PAQR8: variants seen among roughly 807,000 people sequenced by gnomAD.
The protein encoded by PAQR8 is membrane progestin receptor beta.
In PAQR8, 17 loss-of-function variants were observed where a neutral mutation model predicts 25.2. The ratio of observed to expected loss-of-function variants is 0.67; its 90% CI spans 0.46 to 1.01. The LOEUF (loss-of-function observed/expected upper bound fraction) is 1.01, where lower values mean the gene tolerates loss of function less well. PAQR8 is among the 50% of genes least tolerant of loss of function. PAQR8 has a pLI of 0.00. For missense variants in PAQR8, 392 were observed against 448.4 expected (o/e 0.87, Z 1.14); for synonymous variants, 204 against 190.6 (o/e 1.07, Z -0.58).
rs1414169401 is a variant in PAQR8 at position 52,404,651 on chromosome 6, G to A, written c.*373G>A. 3 of 204,962 alleles carry A rather than the reference G, an allele frequency of 1.5e-5. No individual in the cohort carries two copies. The East Asian group carries it at 3.8e-4, about 26-fold the overall frequency. 12.7% of individuals were successfully genotyped at this position (204,962 alleles called of 1,614,324 possible). A position where few individuals can be genotyped will look rare whatever the true frequency, so the allele number is the denominator to read the frequency against. ...TAAAATTGGACTGGAAAGTAAGTAGGTGGCTGGTCCTCACCCTGTTGGAAT... is the reference window on the plus strand; with the variant it reads ...TAAAATTGGACTGGAAAGTAAGTAGATGGCTGGTCCTCACCCTGTTGGAAT... On this transcript the variant is annotated 3_prime_UTR_variant, in exon 2 of 2. Coordinates refer to ENST00000442253, the MANE Select transcript of PAQR8 (RefSeq NM_133367.5).
rs1763632798 is a variant in PAQR8 at position 52,386,321 on chromosome 6, T to TA, written c.-52-16841_-52-16840insA. On this transcript the variant is annotated intron_variant, in intron 1 of 1. Transcript: ENST00000442253. ...TCAGAGAACCAAACACAACTACCAT[T>TA]TGACCTAGCAACCACATTACTGGGT... 2.6e-5 allele frequency among the ~76,000 whole-genome samples: 4 copies of TA among 152,182 alleles called. 1 individual carries two copies. The South Asian group carries it at 8.3e-4, about 32-fold the overall frequency.
At chr6:52,376,736 T>C (rs557023942) in intron 1 of PAQR8, among the ~76,000 whole-genome samples, 9 of 152,230 alleles carry the variant, frequency 5.9e-5, no homozygotes, top group Non-Finnish European at 1.3e-4. Context: ...GGCTTACTGT[T>C]GTTCTTTATT....
intron 1 of PAQR8, among the ~76,000 whole-genome samples, chr6:52,395,375 T>C (rs1248212762): frequency 6.6e-6 from 1 of 151,988 alleles, no homozygotes; most frequent in African/African-American, 2.4e-5. Context: ...TCATGGTACA[T>C]ATACTCAGTA....
At chr6:52,392,114 G>A (rs1425383727) in intron 1 of PAQR8, among the ~76,000 whole-genome samples, 1 of 152,108 alleles carries the variant, frequency 6.6e-6, no homozygotes, top group Non-Finnish European at 1.5e-5. Flanking sequence ...GGCCTAGGCG[G>A]GCAGATTGCC....
At chr6:52,366,041 C>A (rs1763348056) in intron 1 of PAQR8, among the ~76,000 whole-genome samples, 1 of 152,152 alleles carries the variant, frequency 6.6e-6, no homozygotes, top group South Asian at 2.1e-4. Context: ...ACATTCCCTT[C>A]ATTCCAAATG....
intron 1 of PAQR8, among the ~76,000 whole-genome samples, chr6:52,393,051 A>G (rs1295315612): frequency 6.6e-6 from 1 of 152,196 alleles, no homozygotes; most frequent in African/African-American, 2.4e-5. Context: ...GGGTTTAGTC[A>G]TAGAGGGCAT....
chr6:52,404,404 C>A lies in PAQR8; in HGVS notation c.*126C>A. ...ACATATATCCAAGGATATGTTATAG[C>A]TGCAGTGTTTGAAAGCCAAAGGATT... On this transcript the variant is annotated 3_prime_UTR_variant, in exon 2 of 2. Transcript: ENST00000442253. 1.1e-6 allele frequency: 1 copy of A among 944,192 alleles called. No homozygotes were observed. Among genetic ancestry groups the A allele is most frequent in the Non-Finnish European group, 1.6e-6 (1 of 640,234 alleles). The allele number at this position is 944,192 out of a possible 1,614,324, so 58.5% of individuals were successfully genotyped here.
chr6:52,382,225 G>A (rs1763569697), intron 1 of PAQR8, among the ~76,000 whole-genome samples: 1 of 152,218 alleles, frequency 6.6e-6, no homozygotes, highest in African/African-American at 2.4e-5. Context: ...ATATTGCTTT[G>A]ACCAGGTGAG....
chr6:52,367,982 A>G (rs1357630821), intron 1 of PAQR8, among the ~76,000 whole-genome samples: 1 of 152,136 alleles, frequency 6.6e-6, no homozygotes, highest in Admixed American at 6.5e-5. Context: ...TAATCCCAGC[A>G]CTTTGGGAAG....
At position 52,362,510 on chromosome 6, in the gene PAQR8, C is replaced by T. The variant is rs1469433652; in HGVS notation, c.-53+261C>T. The stretch of plus-strand genomic sequence containing the variant: ...ACGACGGGTTAGGATGCTGGGGAGC[C>T]CTGGAGCTCTGAACGGCTGTAGTGG... On this transcript the variant is annotated intron_variant, in intron 1 of 1. Transcript: ENST00000442253. The surrounding 1 kb of genome is among the most constrained non-coding windows in gnomAD (Gnocchi z 4.1). The T allele has an allele frequency of 6.5e-6, 1 of 152,716 alleles. No homozygotes were observed. The highest frequency in any genetic ancestry group is 6.5e-5 in the Admixed American group (1 of 15,274). 9.5% of individuals were successfully genotyped at this position (152,716 alleles called of 1,614,324 possible).
chr6:52,386,783 T>G (rs1054036393), intron 1 of PAQR8, among the ~76,000 whole-genome samples: 1 of 152,176 alleles, frequency 6.6e-6, no homozygotes, highest in African/African-American at 2.4e-5. Flanking sequence ...AATATACTCT[T>G]GTAACAAACC....
At chr6:52,363,032 A>G (rs971052197) in intron 1 of PAQR8, among the ~76,000 whole-genome samples, 5 of 151,998 alleles carry the variant, frequency 3.3e-5, no homozygotes, top group Non-Finnish European at 7.4e-5. Flanking sequence ...TGTCTAGGCT[A>G]TGAGAACGCA....
In PAQR8 at chr6:52,405,719, C is replaced by T. The variant is rs529948349; in HGVS notation, c.*1441C>T. The T allele has an allele frequency of 3.0e-5, 5 of 166,786 alleles. No homozygotes were observed. Among genetic ancestry groups the T allele is most frequent in the African/African-American group, 1.2e-4 (5 of 41,392 alleles). The allele number at this position is 166,786 out of a possible 1,614,324, so 10.3% of individuals were successfully genotyped here. A position where few individuals can be genotyped will look rare whatever the true frequency, so the allele number is the denominator to read the frequency against. ...TAACTCCAGTTTGATGAACCTCCTCCGAGTTTACTTTATTGTCTTCAAATC... is the reference window on the plus strand; with the variant it reads ...TAACTCCAGTTTGATGAACCTCCTCTGAGTTTACTTTATTGTCTTCAAATC... On this transcript the variant is annotated 3_prime_UTR_variant, in exon 2 of 2. Transcript: ENST00000442253.
chr6:52,384,542 G>A (rs1379373866), intron 1 of PAQR8, among the ~76,000 whole-genome samples: 1 of 152,104 alleles, frequency 6.6e-6, no homozygotes, highest in Non-Finnish European at 1.5e-5. Flanking sequence ...CACCCAAAAA[G>A]TATCTTTAGC....
intron 1 of PAQR8, among the ~76,000 whole-genome samples, chr6:52,396,172 T>A (rs369476298): frequency 2.0e-5 from 3 of 152,256 alleles, no homozygotes; most frequent in South Asian, 4.1e-4. Context: ...CCCAGCTCCA[T>A]GAATGAAGAA....
intron 1 of PAQR8, among the ~76,000 whole-genome samples, chr6:52,363,332 A>G (rs1471497366): frequency 1.3e-5 from 2 of 152,314 alleles, no homozygotes; most frequent in African/African-American, 2.4e-5. Flanking sequence ...GTTGCATTCC[A>G]TATTTCTTAG....
intron 1 of PAQR8, 32 bp from the exon 2 acceptor site, chr6:52,403,130 C>T (rs1218629289): frequency 1.1e-5 from 13 of 1,188,246 alleles, no homozygotes; most frequent in East Asian, 2.5e-5. Flanking sequence ...TGTCTCACTG[C>T]GGCTTTGCCA....
chr6:52,368,107 G>T (rs928773013), intron 1 of PAQR8, among the ~76,000 whole-genome samples: 1 of 152,156 alleles, frequency 6.6e-6, no homozygotes, highest in Non-Finnish European at 1.5e-5. Context: ...GCACGTGCCT[G>T]TAGTCCCAAC....
chr6:52,367,058 T>C (rs1763362400), intron 1 of PAQR8, among the ~76,000 whole-genome samples: 2 of 152,182 alleles, frequency 1.3e-5, no homozygotes, highest in African/African-American at 2.4e-5. Context: ...GCTGTGATTC[T>C]TAATGGGGAG....
Sources: gnomAD v4.1 joint callset for allele counts (sites outside exome capture counted in the v4.1 genomes callset) on GRCh38, gnomAD v4.1.1 for gene constraint, Gnocchi (gnomAD v3.1) non-coding constraint, MANE v1.5 for transcripts, NCBI Gene and HGNC (gene_info 2026-07-23, HGNC 2026-07-21) for gene names.